The following GLI3 variants were observed in gnomAD, a reference collection of about 807,000 sequenced individuals.
GLI3 encodes transcription activator GLI3.
Under a neutral mutation model 100.8 loss-of-function variants are expected in GLI3, and 20 were observed. That is an observed-to-expected ratio of 0.20 (90% confidence interval 0.14 to 0.29). GLI3 has a LOEUF of 0.29. GLI3 is among the 10% of genes least tolerant of loss of function. GLI3 has a pLI of 1.00. For missense variants in GLI3, 2,040 were observed against 2,128.5 expected, an observed-to-expected ratio of 0.96 and a Z score of 0.82; for synonymous variants, 938 against 860.5, an observed-to-expected ratio of 1.09 and a Z score of -1.58.
intron 2 of GLI3, among the ~76,000 whole-genome samples, chr7:42,178,807 C>T (rs918932823): frequency 6.6e-6 from 1 of 151,958 alleles, no homozygotes; most frequent in Non-Finnish European, 1.5e-5. Flanking sequence ...ACCAGGCAAC[C>T]GGGGGTAGGC....
chr7:41,993,345 C>G (rs1417438588), intron 10 of GLI3, among the ~76,000 whole-genome samples: 1 of 152,124 alleles, frequency 6.6e-6, no homozygotes, highest in Non-Finnish European at 1.5e-5. Context: ...GATAACTTGA[C>G]CTCTGGCAGT....
At chr7:42,048,279 GCTGCTATT>G (rs1784285006) in intron 5 of GLI3, among the ~76,000 whole-genome samples, 1 of 152,120 alleles carries the variant, frequency 6.6e-6, no homozygotes, top group Non-Finnish European at 1.5e-5. Context: ...CCCACTGCAC[GCTGCTATT>G]CTGACATGAA....
chr7:42,024,664 G>T (rs572375263), intron 9 of GLI3, among the ~76,000 whole-genome samples: 1 of 152,154 alleles, frequency 6.6e-6, no homozygotes, highest in Non-Finnish European at 1.5e-5. Context: ...TCCTTAAACT[G>T]AGGCCCAGAG....
intron 4 of GLI3, among the ~76,000 whole-genome samples, chr7:42,053,433 AG>A (rs1163928612): frequency 3.9e-5 from 6 of 152,224 alleles, no homozygotes; most frequent in African/African-American, 1.2e-4. Context: ...ATTCCACTGA[AG>A]GAAGAGGACA....
chr7:42,248,033 C>T (rs1338927356), intron 1 of GLI3, among the ~76,000 whole-genome samples: 1 of 152,124 alleles, frequency 6.6e-6, no homozygotes, highest in African/African-American at 2.4e-5. Context: ...GTATTTGGAT[C>T]GGTATGTCAA....
At chr7:42,057,217 G>A (rs1239761624) in intron 4 of GLI3, among the ~76,000 whole-genome samples, 6 of 152,072 alleles carry the variant, frequency 3.9e-5, no homozygotes, top group Non-Finnish European at 8.8e-5. Flanking sequence ...AGTATGATAA[G>A]GTTTTTCTAT....
At chr7:42,019,545 T>C (rs1354693201) in intron 10 of GLI3, among the ~76,000 whole-genome samples, 1 of 152,026 alleles carries the variant, frequency 6.6e-6, no homozygotes, top group East Asian at 1.9e-4. Flanking sequence ...ACAAACCAAA[T>C]AGCATAAACA....
chr7:42,181,877 C>A (rs1787600873), intron 2 of GLI3, among the ~76,000 whole-genome samples: 1 of 152,150 alleles, frequency 6.6e-6, no homozygotes, highest in African/African-American at 2.4e-5. Flanking sequence ...CATCCATGTA[C>A]CGAACTTTCC....
intron 3 of GLI3, among the ~76,000 whole-genome samples, chr7:42,080,421 G>A (rs1250061975): frequency 6.6e-6 from 1 of 152,180 alleles, no homozygotes; most frequent in African/African-American, 2.4e-5. Flanking sequence ...TAATGGATAT[G>A]ATCTGATTTG....
At chr7:42,065,155 A>G (rs1484192599) in intron 4 of GLI3, among the ~76,000 whole-genome samples, 6 of 149,814 alleles carry the variant, frequency 4.0e-5, no homozygotes, top group African/African-American at 1.5e-4. Flanking sequence ...CCTCTTTTTT[A>G]TTATTTTTAT....
intron 7 of GLI3, among the ~76,000 whole-genome samples, chr7:42,035,503 C>CA (rs1341731843): frequency 6.6e-6 from 1 of 152,164 alleles, no homozygotes; most frequent in Admixed American, 6.5e-5. Flanking sequence ...GGGTGATGTG[C>CA]AAAATGGGAA....
chr7:42,065,294 C>T (rs762656811), intron 4 of GLI3, among the ~76,000 whole-genome samples: 11 of 147,882 alleles, frequency 7.4e-5, no homozygotes, highest in Non-Finnish European at 1.5e-4. Context: ...AAATGCAGAC[C>T]CCTGGTTAGC....
At chr7:42,206,288 T>C (rs889605525) in intron 2 of GLI3, among the ~76,000 whole-genome samples, 1 of 150,462 alleles carries the variant, frequency 6.6e-6, no homozygotes, top group Non-Finnish European at 1.5e-5. Context: ...ATAATAATAA[T>C]AACAATAATA....
At chr7:42,216,146 C>T (rs1487495791) in intron 2 of GLI3, among the ~76,000 whole-genome samples, 1 of 152,214 alleles carries the variant, frequency 6.6e-6, no homozygotes, top group Non-Finnish European at 1.5e-5. Context: ...TGGCTTCTAA[C>T]TGCACAACAC....
chr7:42,020,667 G>T (rs148613527), intron 10 of GLI3, among the ~76,000 whole-genome samples: 1 of 152,288 alleles, frequency 6.6e-6, no homozygotes, highest in Non-Finnish European at 1.5e-5. Flanking sequence ...AACTGTTAAT[G>T]CTTCCCTCTG....
intron 3 of GLI3, among the ~76,000 whole-genome samples, chr7:42,102,224 T>A (rs547269315): frequency 6.6e-6 from 1 of 152,148 alleles, no homozygotes; most frequent in Non-Finnish European, 1.5e-5. Context: ...CTGGGTCAAA[T>A]GGTATTTCTA....
At chr7:42,101,196 C>T (rs1038371910) in intron 3 of GLI3, among the ~76,000 whole-genome samples, 32 of 152,176 alleles carry the variant, frequency 2.1e-4, no homozygotes, top group Non-Finnish European at 2.9e-4. Context: ...TGCAGTATGC[C>T]CATCGTCATT....
chr7:42,116,047 G>C (rs1308592571), intron 3 of GLI3, among the ~76,000 whole-genome samples: 1 of 152,014 alleles, frequency 6.6e-6, no homozygotes, highest in Non-Finnish European at 1.5e-5. Context: ...ACCAAGACCA[G>C]ACAGAAACCC....
chr7:42,235,995 C>T (rs927078630), intron 1 of GLI3, among the ~76,000 whole-genome samples: 12 of 151,850 alleles, frequency 7.9e-5, no homozygotes, highest in African/African-American at 2.7e-4. Context: ...CCTTAATCCT[C>T]TTTCCACGCG....
Sources: gnomAD v4.1 joint callset for allele counts (sites outside exome capture counted in the v4.1 genomes callset) on GRCh38, gnomAD v4.1.1 for gene constraint, MANE v1.5 for transcripts, NCBI Gene and HGNC (gene_info 2026-07-23, HGNC 2026-07-21) for gene names.